The following CACNA2D2 variants were observed in gnomAD, a reference collection of about 807,000 sequenced individuals.
CACNA2D2 encodes calcium voltage-gated channel auxiliary subunit alpha2delta 2.
Under a neutral mutation model 166.4 loss-of-function variants are expected in CACNA2D2, and 48 were observed. That is an observed-to-expected ratio of 0.29 (90% CI 0.23 to 0.37). The LOEUF (loss-of-function observed/expected upper bound fraction) is 0.37. CACNA2D2 is among the 10% of genes least tolerant of loss of function. The probability of loss-of-function intolerance (pLI) is 1.00; values close to 1 mark genes in which losing one functional copy is unlikely to be tolerated. For synonymous variants in CACNA2D2, 561 were observed against 573.7 expected (o/e 0.98, Z 0.32); for missense variants, 1,122 against 1,433.0 (o/e 0.78, Z 3.50).
intron 2 of CACNA2D2, among the ~76,000 whole-genome samples, chr3:50,474,590 A>T (rs1710229450): frequency 6.6e-6 from 1 of 152,148 alleles, no homozygotes; most frequent in Non-Finnish European, 1.5e-5. Context: ...AAAATAAACA[A>T]CATCTTCAAG....
chr3:50,382,016 AC>A (rs1280239332), intron 6 of CACNA2D2, among the ~76,000 whole-genome samples: 2 of 151,624 alleles, frequency 1.3e-5, no homozygotes, highest in Non-Finnish European at 2.9e-5. Flanking sequence ...ACACACACAC[AC>A]ACACAAACAA....
chr3:50,422,870 G>A (rs558713830), intron 3 of CACNA2D2, among the ~76,000 whole-genome samples: 1 of 152,322 alleles, frequency 6.6e-6, no homozygotes, highest in South Asian at 2.1e-4. Context: ...TGAAGTGGGT[G>A]GGGGGTCTTA....
intron 1 of CACNA2D2, among the ~76,000 whole-genome samples, chr3:50,491,868 C>T (rs1698536232): frequency 6.6e-6 from 1 of 152,224 alleles, no homozygotes; most frequent in African/African-American, 2.4e-5. Flanking sequence ...AAGCCCAGGG[C>T]TTACCCCAAG....
chr3:50,389,357 A>G (rs1705775647), intron 4 of CACNA2D2, among the ~76,000 whole-genome samples: 1 of 152,260 alleles, frequency 6.6e-6, no homozygotes. Context: ...CTGTGAAAAG[A>G]AAATGTGATT....
chr3:50,408,677 G>A (rs1706839692), intron 3 of CACNA2D2, among the ~76,000 whole-genome samples: 1 of 152,220 alleles, frequency 6.6e-6, no homozygotes, highest in African/African-American at 2.4e-5. Flanking sequence ...CGGACTGCCA[G>A]GCGCTAATGG....
At position 50,365,605 on chromosome 3, in the gene CACNA2D2, G is replaced by A; in HGVS notation, c.2971+28C>T. The A allele has an allele frequency of 6.4e-7, 1 of 1,573,058 alleles. No homozygotes were observed. Among genetic ancestry groups the A allele is most frequent in the East Asian group, 2.3e-5 (1 of 43,274 alleles). On this transcript the variant is annotated intron_variant, in intron 34 of 37. Transcript: ENST00000424201. The surrounding 1 kb of genome is among the most constrained non-coding windows in gnomAD (Gnocchi z 4.5). ...TAGCTCAGATTGGGGACCCGGACTT[G>A]AGGAGGCGCCTCCAAAGCCCTACCT... is the stretch of plus-strand genomic sequence containing the variant.
chr3:50,498,232 T>C (rs1295978534), intron 1 of CACNA2D2, among the ~76,000 whole-genome samples: 1 of 151,530 alleles, frequency 6.6e-6, no homozygotes, highest in Non-Finnish European at 1.5e-5. Flanking sequence ...CCTTGGAGAG[T>C]TCCCTAGCAA....
At chr3:50,476,353 C>T (rs530729221) in intron 1 of CACNA2D2, among the ~76,000 whole-genome samples, 154 bp from the exon 2 acceptor site, 5 of 152,346 alleles carry the variant, frequency 3.3e-5, no homozygotes, top group South Asian at 2.1e-4. Context: ...CAAGCACCTG[C>T]GATTCCCCTT....
At chr3:50,368,934 C>A (rs771289198) in intron 23 of CACNA2D2, among the ~76,000 whole-genome samples, 9 of 152,226 alleles carry the variant, frequency 5.9e-5, no homozygotes, top group Non-Finnish European at 1.0e-4. Context: ...AGGTGGAGCT[C>A]TCTCTCGCTC....
chr3:50,394,963 T>A (rs1287215758), intron 3 of CACNA2D2, among the ~76,000 whole-genome samples: 4 of 152,086 alleles, frequency 2.6e-5, no homozygotes, highest in Non-Finnish European at 5.9e-5. Flanking sequence ...AGGGAAGGCT[T>A]GCTGGAGAAG....
At chr3:50,424,733 C>T (rs547638946) in intron 3 of CACNA2D2, among the ~76,000 whole-genome samples, 34 of 152,192 alleles carry the variant, frequency 2.2e-4, no homozygotes, top group Admixed American at 5.9e-4. Flanking sequence ...GAAGCTGAAG[C>T]AACGGAACCT....
At chr3:50,435,677 T>A (rs923289303) in intron 2 of CACNA2D2, among the ~76,000 whole-genome samples, 16 of 151,994 alleles carry the variant, frequency 1.1e-4, no homozygotes, top group Admixed American at 3.3e-4. Context: ...CTGGAGCCCC[T>A]GCTCTGCTGC....
chr3:50,456,024 ACTC>A lies in CACNA2D2; in HGVS notation c.288+20091_288+20093del, dbSNP rs1236141577. Among the ~76,000 whole-genome samples the A allele has an allele frequency of 2.6e-5, 4 of 151,986 alleles. No individual in the cohort carries two copies. The East Asian group carries it at 7.7e-4, about 29-fold the overall frequency. On this transcript the variant is annotated intron_variant, in intron 2 of 37. Transcript: ENST00000424201. ...GGGCAGCTATTGCCCATCGTCCAGG[ACTC>A]CTCATGTCTGCAGCCCTACATATAC...
At chr3:50,470,704 C>T (rs1043562478) in intron 2 of CACNA2D2, among the ~76,000 whole-genome samples, 19 of 148,654 alleles carry the variant, frequency 1.3e-4, no homozygotes, top group Non-Finnish European at 2.7e-4. Flanking sequence ...TTACAGTGGG[C>T]GGGGGAGAAG....
intron 2 of CACNA2D2, among the ~76,000 whole-genome samples, chr3:50,473,720 C>G (rs1710193661): frequency 6.6e-6 from 1 of 152,188 alleles, no homozygotes; most frequent in Non-Finnish European, 1.5e-5. Flanking sequence ...AGGGAGCAAA[C>G]TGGTTGGCTC....
chr3:50,380,921 C>T lies in CACNA2D2; in HGVS notation c.784+74G>A, dbSNP rs144048414. ...ACAGAGAAGCCACCCCGCCCCATGC[C>T]CCCAGGATGGGTGGGCTGGTAGATG... On this transcript the variant is annotated intron_variant, in intron 7 of 37. Transcript: ENST00000424201. This position sits in a 1 kb window ranked among gnomAD's most constrained non-coding sequence, Gnocchi z 4.9. The T allele has an allele frequency of 0.012, 18,840 of 1,588,854 alleles. 149 individuals are homozygous for T. Among genetic ancestry groups the T allele is most frequent in the Non-Finnish European group, 0.013 (15,243 of 1,164,128 alleles).
intron 1 of CACNA2D2, among the ~76,000 whole-genome samples, chr3:50,495,118 GGCTTGAAGGTTCCCTTC>G (rs1698670998): frequency 6.6e-6 from 1 of 152,230 alleles, no homozygotes; most frequent in African/African-American, 2.4e-5. Flanking sequence ...AGATATGTGG[GGCTTGAAGGTTCCCTTC>G]CCCCATCTTG....
At chr3:50,480,300 C>T (rs977362136) in intron 1 of CACNA2D2, among the ~76,000 whole-genome samples, 2 of 152,150 alleles carry the variant, frequency 1.3e-5, no homozygotes, top group Non-Finnish European at 2.9e-5. Flanking sequence ...TCAGCTTTTC[C>T]ATCGGTAAAC....
chr3:50,382,453 G>A (rs1412771349), intron 6 of CACNA2D2, among the ~76,000 whole-genome samples: 2 of 152,188 alleles, frequency 1.3e-5, no homozygotes, highest in East Asian at 1.9e-4. Context: ...TCCCTCGGGC[G>A]GCCCCTCTGG....
Sources: gnomAD v4.1 joint callset for allele counts (sites outside exome capture counted in the v4.1 genomes callset) on GRCh38, gnomAD v4.1.1 for gene constraint, Gnocchi (gnomAD v3.1) non-coding constraint, MANE v1.5 for transcripts, NCBI Gene and HGNC (gene_info 2026-07-23, HGNC 2026-07-21) for gene names.